The following YIPF3 variants were observed in gnomAD, a reference collection of about 807,000 sequenced individuals.
YIPF3 encodes the protein protein YIPF3.
In YIPF3, 18 loss-of-function variants were observed where a neutral mutation model predicts 40.3. The observed-to-expected ratio is 0.45, with a 90% confidence interval of 0.31 to 0.66. The LOEUF (loss-of-function observed/expected upper bound fraction) is 0.66. YIPF3 is among the 30% of genes least tolerant of loss of function. YIPF3 has a pLI of 0.07. For missense variants in YIPF3, 406 were observed against 452.2 expected, an observed-to-expected ratio of 0.90 and a Z score of 0.93; for synonymous variants, 190 against 179.6, an observed-to-expected ratio of 1.06 and a Z score of -0.46.
chr6:43,513,682 G>A (rs780864164), intron 3 of YIPF3, 49 bp from the exon 4 acceptor site: 6 of 1,505,464 alleles, frequency 4.0e-6, no homozygotes, highest in Middle Eastern at 2.0e-4. Flanking sequence ...AAGGCCATGA[G>A]GTTCTGGAGG....
chr6:43,516,000 C>G lies in YIPF3; in HGVS notation c.177G>C (p.Glu59Asp), dbSNP rs762608457. Residue 59 changes from glutamate (E) to aspartate (D), a missense_variant, in exon 2 of 9, where the codon GAG (glutamate) becomes GAC (aspartate). By Grantham distance (45) the Glu-to-Asp change is conservative. Coordinates refer to ENST00000372422, the MANE Select transcript of YIPF3 (RefSeq NM_015388.4). ...DMGELHQRLREEEVDADAADA... is the reference protein window; with the variant it reads ...DMGELHQRLRDEEVDADAADA... ...CAGCTGCATCAGCGTCTACTTCTTC[C>G]TCGCGCAGGCGCTGATGCAGCTCAC... 1 of 1,614,240 alleles carries G rather than the reference C, an allele frequency of 6.2e-7. No individual in the cohort carries two copies. The highest frequency in any genetic ancestry group is 1.7e-5 in the Admixed American group (1 of 60,032).
At chr6:43,513,336 C>A (rs772963603) in intron 5 of YIPF3, 23 bp downstream of exon 5, 38 of 1,613,914 alleles carry the variant, frequency 2.4e-5, no homozygotes, top group Admixed American at 1.2e-4. Context: ...AGCCACCCCC[C>A]CAAAGTTGTC....
intron 3 of YIPF3, 159 bp from the exon 4 acceptor site, chr6:43,513,792 G>A: frequency 3.3e-6 from 2 of 611,300 alleles, no homozygotes; most frequent in South Asian, 3.3e-5. Flanking sequence ...AAGACAGATA[G>A]GGAATGAGGA....
intron 1 of YIPF3, 173 bp from the exon 2 acceptor site, chr6:43,516,268 A>G (rs112899081): frequency 2.1e-6 from 3 of 1,397,262 alleles, no homozygotes; most frequent in African/African-American, 1.5e-5. Flanking sequence ...CCTGGTTTCT[A>G]GCTTTGGCTA....
Position 43,515,307 on chromosome 6 carries a change from C to G in YIPF3, c.395+288G>C, listed in dbSNP as rs757035951. On this transcript the variant is annotated intron_variant, in intron 3 of 8. Coordinates refer to ENST00000372422, the MANE Select transcript of YIPF3 (RefSeq NM_015388.4). ...ATGCCCGGCTGGCAAGCACAGAGTT[C>G]TATAGGAACACCAGGAGAGAACAAA... 9.6e-5 allele frequency: 50 copies of G among 518,568 alleles called. 1 individual carries two copies. The highest frequency in any genetic ancestry group is 4.1e-4 in the South Asian group (27 of 65,080). The allele number at this position is 518,568 out of a possible 1,614,324, so 32.1% of individuals were successfully genotyped here.
At chr6:43,512,964 G>T (rs1792703659) in intron 6 of YIPF3, 90 bp from the exon 7 acceptor site, 1 of 1,591,160 alleles carries the variant, frequency 6.3e-7, no homozygotes, top group African/African-American at 1.3e-5. Context: ...ATGGTCCATT[G>T]GCCTACTCCT....
At position 43,516,800 on chromosome 6, in the gene YIPF3, G is replaced by A; in HGVS notation, c.8C>T (p.Thr3Ile). 1 of 1,577,080 alleles carries A rather than the reference G, an allele frequency of 6.3e-7. No homozygotes were observed. The highest frequency in any genetic ancestry group is 8.6e-7 in the Non-Finnish European group (1 of 1,161,066). The change falls in exon 1 of 9, where the codon ACT becomes ATT. Residue 3 changes from threonine to isoleucine, a missense_variant. Coordinates refer to ENST00000372422, the MANE Select transcript of YIPF3 (RefSeq NM_015388.4). Reference sequence around the variant, plus strand: ...GGCGCCGCCCGCCGGCGCCGCTGTAGTTGCCATGTCCCTTGAGGGCTCCCG... The same window carrying A: ...GGCGCCGCCCGCCGGCGCCGCTGTAATTGCCATGTCCCTTGAGGGCTCCCG... Reference protein sequence around the residue: MATTAAPAGGARN... With the variant: MAITAAPAGGARN...
At position 43,515,719 on chromosome 6, in the gene YIPF3, G is replaced by A. The variant is rs1276975766; in HGVS notation, c.289-18C>T. On this transcript the variant is annotated intron_variant, in intron 2 of 8. Transcript: ENST00000372422. The stretch of plus-strand genomic sequence containing the variant: ...TGCCACATCTGAAGTAAGGAAGATG[G>A]GCATAGGTATTGTGGTACTGTTGGT... The A allele has an allele frequency of 2.5e-6, 4 of 1,613,788 alleles. No homozygotes were observed. Among genetic ancestry groups the A allele is most frequent in the African/African-American group, 2.7e-5 (2 of 74,902 alleles).
At chr6:43,516,592 T>C in intron 1 of YIPF3, 135 bp downstream of exon 1, 1 of 1,028,706 alleles carries the variant, frequency 9.7e-7, no homozygotes, top group South Asian at 1.5e-5. Context: ...CCACTGACTT[T>C]AGTGTGCACG....
At chr6:43,512,995 C>T in intron 6 of YIPF3, 74 bp downstream of exon 6, 8 of 1,600,532 alleles carry the variant, frequency 5.0e-6, no homozygotes, top group Non-Finnish European at 6.8e-6. Context: ...GCTTTGGGGC[C>T]CCAGGACAGA....
In YIPF3 at chr6:43,515,980, G is replaced by A. The variant is rs1006763492; in HGVS notation, c.197C>T (p.Ala66Val). 1 of 1,614,032 alleles carries A rather than the reference G, an allele frequency of 6.2e-7. No homozygotes were observed. Among genetic ancestry groups the A allele is most frequent in the African/African-American group, 1.3e-5 (1 of 74,920 alleles). Residue 66 changes from alanine (A) to valine (V), a missense_variant, in exon 2 of 9, where the codon GCA becomes GTA. Ala to Val is a moderately conservative substitution (Grantham distance 64). Coordinates refer to ENST00000372422, the MANE Select transcript of YIPF3 (RefSeq NM_015388.4). ...CTCTTCAGCAGCAGCTGCATCAGCT[G>A]CATCAGCGTCTACTTCTTCCTCGCG... ...RLREEEVDAD[A>V]ADAAAAEEED... is the part of the protein sequence containing the mutation.
chr6:43,512,613 TG>T, intron 7 of YIPF3, 50 bp from the exon 8 acceptor site: 1 of 1,570,976 alleles, frequency 6.4e-7, no homozygotes, highest in Non-Finnish European at 8.6e-7. Flanking sequence ...AAGTGAGGAG[TG>T]GGGACAAGAC....
intron 3 of YIPF3, 39 bp from the exon 4 acceptor site, chr6:43,513,672 A>G (rs1352937043): frequency 2.6e-6 from 4 of 1,521,038 alleles, no homozygotes; most frequent in Non-Finnish European, 2.6e-6. Flanking sequence ...AAGGCAGCAC[A>G]AGGCCATGAG....
chr6:43,515,368 G>A, intron 3 of YIPF3: 1 of 633,766 alleles, frequency 1.6e-6, no homozygotes, highest in Non-Finnish European at 2.9e-6. Context: ...AACAGAGGAA[G>A]TGACATCTGA....
In YIPF3 at chr6:43,516,847, C is replaced by T. The variant is rs2127686019; in HGVS notation, c.-40G>A. ...CCCGTCGCTGAAACCCGCGCTAGCC[C>T]CGCGCGCGGAGTGGGCAAGATGTGG... On this transcript the variant is annotated 5_prime_UTR_variant, in exon 1 of 9. Transcript: ENST00000372422. 6.4e-7 allele frequency: 1 copy of T among 1,553,194 alleles called. No individual in the cohort carries two copies. The highest frequency in any genetic ancestry group is 1.2e-5 in the South Asian group (1 of 84,750).
At chr6:43,512,620 A>T (rs896489189) in intron 7 of YIPF3, 57 bp from the exon 8 acceptor site, 8 of 1,564,106 alleles carry the variant, frequency 5.1e-6, no homozygotes, top group African/African-American at 2.7e-5. Flanking sequence ...GAGTGGGGAC[A>T]AGACACCCCC....
At position 43,512,000 on chromosome 6, in the gene YIPF3, G is replaced by A. The variant is rs1336635721; in HGVS notation, c.*167C>T. The A allele has an allele frequency of 8.9e-7, 1 of 1,126,380 alleles. No individual in the cohort carries two copies. Among genetic ancestry groups the A allele is most frequent in the Non-Finnish European group, 1.3e-6 (1 of 799,646 alleles). 69.8% of individuals were successfully genotyped at this position (1,126,380 alleles called of 1,614,324 possible). A position where few individuals can be genotyped will look rare whatever the true frequency, so the allele number is the denominator to read the frequency against. ...GTCCTGGCCAGGAGTTCTTGGCCTT[G>A]TGCCTTTCAGAAGTGCCGACAGGCA... On this transcript the variant is annotated 3_prime_UTR_variant, in exon 9 of 9. Coordinates refer to ENST00000372422, the MANE Select transcript of YIPF3 (RefSeq NM_015388.4).
chr6:43,515,669 C>G lies in YIPF3; in HGVS notation c.321G>C (p.Arg107Ser). 6.2e-7 allele frequency: 1 copy of G among 1,614,014 alleles called. No individual in the cohort carries two copies. The highest frequency in any genetic ancestry group is 8.5e-7 in the Non-Finnish European group (1 of 1,180,024). The change falls in exon 3 of 9, where the codon AGG becomes AGC. Residue 107 changes from arginine (R) to serine (S), a missense_variant. Coordinates refer to ENST00000372422, the MANE Select transcript of YIPF3 (RefSeq NM_015388.4). The stretch of plus-strand genomic sequence containing the variant: ...CGATGTTGGCGTACAAGCTGAAGGC[C>G]CTGGAGGCTTGTCTTTTCCCAGCCT... ...MWQAGKRQAS[R>S]AFSLYANIDI... is the part of the protein sequence containing the mutation.
chr6:43,516,762 C>A lies in YIPF3; in HGVS notation c.46G>T (p.Gly16Cys). 6.3e-7 allele frequency: 1 copy of A among 1,598,222 alleles called. No individual in the cohort carries two copies. Among genetic ancestry groups the A allele is most frequent in the Non-Finnish European group, 8.5e-7 (1 of 1,173,154 alleles). The change falls in exon 1 of 9, where the codon GGC becomes TGC. Residue 16 changes from glycine (G) to cysteine (C), a missense_variant. Coordinates refer to ENST00000372422, the MANE Select transcript of YIPF3 (RefSeq NM_015388.4). The part of the protein sequence containing the change: ...APAGGARNGA[G>C]PEWGGFEENI... ...TCTTCGAACCCTCCCCATTCCGGGCCAGCTCCATTTCGGGCGCCGCCCGCC... is the reference window on the plus strand; with the variant it reads ...TCTTCGAACCCTCCCCATTCCGGGCAAGCTCCATTTCGGGCGCCGCCCGCC...
Sources: allele counts gnomAD v4.1 joint callset, GRCh38; gene constraint gnomAD v4.1.1; transcripts MANE v1.5; gene names NCBI Gene and HGNC (gene_info 2026-07-23, HGNC 2026-07-21).